Variants in ANKRD45 observed in about 807,000 individuals in gnomAD.
ANKRD45 encodes ankyrin repeat domain-containing protein 45.
In ANKRD45, 21 loss-of-function variants were observed where a neutral mutation model predicts 28.1. The observed-to-expected ratio is 0.75, with a 90% CI of 0.53 to 1.08. The LOEUF (loss-of-function observed/expected upper bound fraction) is 1.08. Ranked by LOEUF, ANKRD45 falls within the 50% of genes least tolerant of loss-of-function variation. ANKRD45 has a pLI of 0.00. For missense variants in ANKRD45, 261 were observed against 308.7 expected, an observed-to-expected ratio of 0.85 and a Z score of 1.16; for synonymous variants, 86 against 103.9, an observed-to-expected ratio of 0.83 and a Z score of 1.05.
chr1:173,708,990 T>C, the ANKRD45 span, among the ~76,000 whole-genome samples: 1 of 152,220 alleles, frequency 6.6e-6, no homozygotes, highest in South Asian at 2.1e-4. Context: ...ATTGTCTTAC[T>C]TGTGCATATT....
the ANKRD45 span, among the ~76,000 whole-genome samples, chr1:173,682,774 T>TA: frequency 6.6e-6 from 1 of 151,880 alleles, no homozygotes; most frequent in South Asian, 2.1e-4. Context: ...GAGCTCCTTT[T>TA]AAAAAAAGTC....
intron 3 of ANKRD45, among the ~76,000 whole-genome samples, chr1:173,639,383 C>T (rs1668605101): frequency 1.3e-5 from 2 of 152,114 alleles, no homozygotes; most frequent in Admixed American, 6.6e-5. Context: ...TTCTAAAATG[C>T]CTTTCACTTA....
chr1:173,635,729 G>C, intron 3 of ANKRD45: 1 of 1,535,460 alleles, frequency 6.5e-7, no homozygotes, highest in African/African-American at 1.4e-5. Flanking sequence ...TGCTAACATG[G>C]ATATATTTCA....
At chr1:173,652,680 C>G (rs1669289751) in intron 2 of ANKRD45, among the ~76,000 whole-genome samples, 2 of 152,184 alleles carry the variant, frequency 1.3e-5, no homozygotes, top group Non-Finnish European at 1.5e-5. Context: ...AGTACCAGCT[C>G]CTCCTTGTAA....
the ANKRD45 span, among the ~76,000 whole-genome samples, chr1:173,681,406 T>G: frequency 6.6e-6 from 1 of 152,176 alleles, no homozygotes; most frequent in Non-Finnish European, 1.5e-5. Context: ...TTAAAGCATT[T>G]GACTAGTCTT....
At chr1:173,709,489 C>A in the ANKRD45 span, among the ~76,000 whole-genome samples, 1 of 152,108 alleles carries the variant, frequency 6.6e-6, no homozygotes, top group Admixed American at 6.5e-5. Context: ...TTGTTAGTCA[C>A]TAGGTTCAGC....
intron 3 of ANKRD45, among the ~76,000 whole-genome samples, chr1:173,642,821 A>C (rs1288979652): frequency 1.3e-5 from 2 of 152,208 alleles, no homozygotes; most frequent in Admixed American, 1.3e-4. Context: ...GGTTGAGTAC[A>C]GAATGTGAGG....
At chr1:173,656,914 A>C (rs1455698093) in intron 2 of ANKRD45, among the ~76,000 whole-genome samples, 1 of 150,800 alleles carries the variant, frequency 6.6e-6, no homozygotes, top group East Asian at 2.0e-4. Context: ...AGCCAGATGC[A>C]GTGGCTCATG....
At chr1:173,615,324 G>A (rs553530210) in intron 5 of ANKRD45, among the ~76,000 whole-genome samples, 2 of 147,196 alleles carry the variant, frequency 1.4e-5, no homozygotes, top group African/African-American at 5.1e-5. Context: ...GTCAGAAGTT[G>A]CAATGAGCTG....
the ANKRD45 span, among the ~76,000 whole-genome samples, chr1:173,706,301 CAAA>C: frequency 2.1e-5 from 2 of 93,562 alleles, no homozygotes; most frequent in African/African-American, 3.8e-5. Context: ...GATTCCGTCT[CAAA>C]AAAAAAAAAA....
chr1:173,659,644 T>C (rs1466332441), intron 1 of ANKRD45, among the ~76,000 whole-genome samples: 1 of 152,154 alleles, frequency 6.6e-6, no homozygotes, highest in Non-Finnish European at 1.5e-5. Context: ...CTCAAGTATA[T>C]ACTAAAATGT....
At chr1:173,679,210 T>C in the ANKRD45 span, among the ~76,000 whole-genome samples, 2 of 152,140 alleles carry the variant, frequency 1.3e-5, no homozygotes, top group African/African-American at 4.8e-5. Flanking sequence ...AAAGTTCATA[T>C]GGAACCAAAA....
rs541402384 is a variant in ANKRD45 at position 173,660,430 on chromosome 1, T to A, written c.-15-997A>T. On this transcript the variant is annotated intron_variant, in intron 1 of 5. Coordinates refer to ENST00000333279, the MANE Select transcript of ANKRD45 (RefSeq NM_198493.3). Reference sequence around the variant, plus strand: ...AACTGTTAAAAGAAATAAATTACAATGATATGCCATATGGTAGGCAAGTTC... The same window carrying A: ...AACTGTTAAAAGAAATAAATTACAAAGATATGCCATATGGTAGGCAAGTTC... Among the ~76,000 whole-genome samples, 8 of 152,298 alleles carry A rather than the reference T, an allele frequency of 5.3e-5. No homozygotes were observed. The South Asian group carries it at 1.7e-3, about 32-fold the overall frequency.
At chr1:173,700,577 G>T in the ANKRD45 span, among the ~76,000 whole-genome samples, 7 of 152,112 alleles carry the variant, frequency 4.6e-5, no homozygotes, top group African/African-American at 1.7e-4. Flanking sequence ...GGGGAAAGGA[G>T]TCCCTATTTA....
chr1:173,714,682 C>A, the ANKRD45 span, among the ~76,000 whole-genome samples: 2 of 152,200 alleles, frequency 1.3e-5, no homozygotes, highest in African/African-American at 2.4e-5. Flanking sequence ...TGTGACTACC[C>A]TTTACTGCCT....
rs149575081 is a variant in ANKRD45 at position 173,650,505 on chromosome 1, T to C, written c.329-3492A>G. Among the ~76,000 whole-genome samples, 599 of 152,372 alleles carry C rather than the reference T, an allele frequency of 3.9e-3. 4 individuals carry two copies. The highest frequency in any genetic ancestry group is 0.012 in the African/African-American group (516 of 41,588). On this transcript the variant is annotated intron_variant, in intron 2 of 5. Transcript: ENST00000333279. ...TTTTCATAATCCAGTCTATCATTGA[T>C]GGGCACTTGGGTTGGTTCCAAGTCT... is the stretch of plus-strand genomic sequence containing the variant.
intron 3 of ANKRD45, among the ~76,000 whole-genome samples, chr1:173,640,288 A>G (rs1668643888): frequency 6.6e-6 from 1 of 151,890 alleles, no homozygotes; most frequent in African/African-American, 2.4e-5. Flanking sequence ...CACCACTAGA[A>G]TTTCCAGCAC....
upstream of ANKRD45, among the ~76,000 whole-genome samples, chr1:173,670,688 T>C (rs1391351935): frequency 2.0e-5 from 3 of 152,162 alleles, no homozygotes; most frequent in Non-Finnish European, 2.9e-5. Flanking sequence ...CCACCAGGAA[T>C]GTCAGGCGAC....
At chr1:173,691,925 C>T in the ANKRD45 span, among the ~76,000 whole-genome samples, 2 of 152,192 alleles carry the variant, frequency 1.3e-5, no homozygotes, top group Admixed American at 1.3e-4. Context: ...CCCCTATTGG[C>T]GAGGATTAGA....
Sources: allele counts gnomAD v4.1 joint callset (sites outside exome capture counted in the v4.1 genomes callset), GRCh38; gene constraint gnomAD v4.1.1; transcripts MANE v1.5; gene names NCBI Gene and HGNC (gene_info 2026-07-23, HGNC 2026-07-21).